UGGT2: variants seen among roughly 807,000 people sequenced by gnomAD.
UGGT2 encodes the protein UDP-glucose glycoprotein glucosyltransferase 2.
Under a neutral mutation model 192.1 loss-of-function variants are expected in UGGT2, and 180 were observed. The observed-to-expected ratio is 0.94, with a 90% confidence interval of 0.83 to 1.06. UGGT2 has a LOEUF of 1.06. UGGT2 is among the 50% of genes least tolerant of loss of function. The pLI, the probability that UGGT2 is intolerant of heterozygous loss-of-function variation, is 0.00. For missense variants in UGGT2, 1,849 were observed against 1,795.7 expected (o/e 1.03, Z -0.54); for synonymous variants, 580 against 591.0 (o/e 0.98, Z 0.27).
intron 4 of UGGT2, among the ~76,000 whole-genome samples, chr13:96,017,654 A>G (rs1332536611): frequency 6.6e-6 from 1 of 152,178 alleles, no homozygotes; most frequent in African/African-American, 2.4e-5. Flanking sequence ...GATCTAAGAT[A>G]CCCTTTATAG....
chr13:96,010,860 T>G (rs1033921876), intron 5 of UGGT2, among the ~76,000 whole-genome samples: 4 of 152,212 alleles, frequency 2.6e-5, no homozygotes, highest in African/African-American at 9.6e-5. Context: ...TAACACAACC[T>G]GATCTCAAGG....
intron 33 of UGGT2, 93 bp downstream of exon 33, chr13:95,859,498 T>C (rs1013061948): frequency 9.4e-7 from 1 of 1,058,618 alleles, no homozygotes; most frequent in Non-Finnish European, 1.4e-6. Context: ...AAAAAGCTTA[T>C]TCTGAAAAGA....
intron 38 of UGGT2, among the ~76,000 whole-genome samples, chr13:95,805,164 TAGTC>T (rs758208292): frequency 3.3e-5 from 5 of 151,900 alleles, no homozygotes; most frequent in Non-Finnish European, 7.4e-5. Context: ...GATATACAAA[TAGTC>T]AGCAAACATA....
chr13:95,860,968 T>C (rs554172881), intron 31 of UGGT2, 85 bp from the exon 32 acceptor site: 6 of 648,712 alleles, frequency 9.2e-6, no homozygotes, highest in Non-Finnish European at 1.4e-5. Flanking sequence ...GCAATCAATA[T>C]AGAAATGTAT....
At chr13:95,850,550 C>A (rs975625143) in intron 36 of UGGT2, among the ~76,000 whole-genome samples, 2 of 152,182 alleles carry the variant, frequency 1.3e-5, no homozygotes, top group Non-Finnish European at 2.9e-5. Flanking sequence ...ACACAATGGG[C>A]ACATGAATGG....
rs1218391925 is a variant in UGGT2, at chr13:95,853,636, G to A, written c.4191C>T (p.Leu1397=). Residue 1397 remains leucine, a synonymous_variant, in exon 36 of 39, where the codon CTC becomes CTT. Coordinates refer to ENST00000376747, the MANE Select transcript of UGGT2 (RefSeq NM_020121.4). The part of the protein sequence containing the change: ...YHISALYVVD[L]KKFRRIGAGD... ...CTGCTCCAATTCTCCTGAACTTCTT[G>A]AGATCCACTACATATAAAGCACTGC... The A allele has an allele frequency of 1.3e-6, 2 of 1,584,662 alleles. No homozygotes were observed. Among genetic ancestry groups the A allele is most frequent in the Non-Finnish European group, 1.7e-6 (2 of 1,170,922 alleles).
chr13:95,853,862 A>C (rs569874082), intron 35 of UGGT2, among the ~76,000 whole-genome samples: 2 of 152,274 alleles, frequency 1.3e-5, no homozygotes, highest in African/African-American at 4.8e-5. Context: ...AGAACCCATA[A>C]TCTTTTAGGG....
intron 10 of UGGT2, among the ~76,000 whole-genome samples, chr13:95,980,331 T>C (rs2051078614): frequency 6.6e-6 from 1 of 152,186 alleles, no homozygotes; most frequent in African/African-American, 2.4e-5. Context: ...AAGACTATCA[T>C]TCTAACTGAA....
chr13:96,042,815 GA>G lies in UGGT2; in HGVS notation c.158+10339del, dbSNP rs531036256. Among the ~76,000 whole-genome samples, 133 of 151,950 alleles carry G rather than the reference GA, an allele frequency of 8.8e-4. 1 individual carries two copies. Among genetic ancestry groups the G allele is most frequent in the Non-Finnish European group, 6.2e-4 (42 of 67,942 alleles). On this transcript the variant is annotated intron_variant, in intron 1 of 38. Coordinates refer to ENST00000376747, the MANE Select transcript of UGGT2 (RefSeq NM_020121.4). Reference sequence around the variant, plus strand: ...ATTAACCCAATACAACAAAGACAAAGAAAAAAGGATAATAAAATATGAACAA... The same window carrying G: ...ATTAACCCAATACAACAAAGACAAAGAAAAAGGATAATAAAATATGAACAA...
chr13:95,864,797 G>A (rs1890496505), intron 30 of UGGT2, among the ~76,000 whole-genome samples: 1 of 152,016 alleles, frequency 6.6e-6, no homozygotes, highest in Non-Finnish European at 1.5e-5. Context: ...ACCATTTCTT[G>A]AACTACCTAT....
chr13:95,899,487 A>G, intron 22 of UGGT2, among the ~76,000 whole-genome samples: 1 of 152,126 alleles, frequency 6.6e-6, no homozygotes, highest in Non-Finnish European at 1.5e-5. Context: ...AGGACAAAAC[A>G]TAGTTTTATG....
At chr13:96,014,641 G>A (rs1292088289) in intron 4 of UGGT2, among the ~76,000 whole-genome samples, 1 of 152,138 alleles carries the variant, frequency 6.6e-6, no homozygotes, top group Non-Finnish European at 1.5e-5. Context: ...TTAATCTTCT[G>A]TAACCGATGA....
intron 20 of UGGT2, among the ~76,000 whole-genome samples, chr13:95,915,960 A>G (rs1338883643): frequency 1.3e-5 from 2 of 152,186 alleles, no homozygotes; most frequent in African/African-American, 4.8e-5. Flanking sequence ...CGGTTGACTC[A>G]GCTGTTCCAC....
intron 20 of UGGT2, among the ~76,000 whole-genome samples, chr13:95,907,121 C>G (rs1034183655): frequency 6.6e-6 from 1 of 152,232 alleles, no homozygotes; most frequent in Non-Finnish European, 1.5e-5. Flanking sequence ...GTGCCCGACA[C>G]GGCAGGTCCC....
intron 38 of UGGT2, among the ~76,000 whole-genome samples, chr13:95,806,864 A>C (rs1884331902): frequency 6.6e-6 from 1 of 152,204 alleles, no homozygotes. Context: ...CTCCTACTTC[A>C]TATCATATTT....
At chr13:95,833,138 T>C in intron 37 of UGGT2, 85 bp from the exon 38 acceptor site, 1 of 1,456,364 alleles carries the variant, frequency 6.9e-7, no homozygotes, top group Non-Finnish European at 9.2e-7. Context: ...GCAAACAAAA[T>C]ACATTTTATA....
chr13:95,942,594 A>C (rs1213846807), intron 15 of UGGT2, among the ~76,000 whole-genome samples: 1 of 152,136 alleles, frequency 6.6e-6, no homozygotes, highest in South Asian at 2.1e-4. Context: ...TTTACCATTA[A>C]TGCATCTTCT....
intron 16 of UGGT2, among the ~76,000 whole-genome samples, chr13:95,937,957 T>C (rs2049521887): frequency 6.6e-6 from 1 of 152,176 alleles, no homozygotes; most frequent in Non-Finnish European, 1.5e-5. Flanking sequence ...TGGGAGGTAA[T>C]GAAATCATGA....
intron 12 of UGGT2, among the ~76,000 whole-genome samples, chr13:95,951,997 G>C (rs932155863): frequency 6.6e-6 from 1 of 151,832 alleles, no homozygotes; most frequent in Non-Finnish European, 1.5e-5. Context: ...GGCAGAGGTT[G>C]TGGTAAGCTG....
Sources: gnomAD v4.1 joint callset for allele counts (sites outside exome capture counted in the v4.1 genomes callset) on GRCh38, gnomAD v4.1.1 for gene constraint, MANE v1.5 for transcripts, NCBI Gene and HGNC (gene_info 2026-07-23, HGNC 2026-07-21) for gene names.